Variants in PDE1C observed in about 807,000 individuals in gnomAD.
PDE1C encodes dual specificity calcium/calmodulin-dependent 3',5'-cyclic nucleotide phosphodiesterase 1C.
PDE1C carries 62 observed loss-of-function variants against 93.1 expected under a neutral mutation model. The ratio of observed to expected loss-of-function variants is 0.67; its 90% CI spans 0.54 to 0.82. The LOEUF (loss-of-function observed/expected upper bound fraction) is 0.82, where lower values mean the gene tolerates loss of function less well. Among genes scored for constraint, PDE1C ranks in the 40% least tolerant of loss-of-function variants. The pLI, the probability that PDE1C is intolerant of heterozygous loss-of-function variation, is 0.00. For missense variants in PDE1C, 742 were observed against 884.6 expected, an observed-to-expected ratio of 0.84 and a Z score of 2.04; for synonymous variants, 325 against 310.1, an observed-to-expected ratio of 1.05 and a Z score of -0.50.
chr7:32,149,348 TGAA>T (rs1413568823), intron 3 of PDE1C, among the ~76,000 whole-genome samples: 1 of 152,192 alleles, frequency 6.6e-6, no homozygotes, highest in African/African-American at 2.4e-5. Flanking sequence ...GAACAGTGTC[TGAA>T]GAAGGACAAC....
intron 2 of PDE1C, among the ~76,000 whole-genome samples, chr7:32,178,204 C>T (rs1052432402): frequency 2.6e-5 from 4 of 152,142 alleles, no homozygotes; most frequent in Admixed American, 6.5e-5. Flanking sequence ...AAAATACAGC[C>T]AGAATCTAAT....
chr7:31,907,957 G>GAA (rs201253353), intron 2 of PDE1C, among the ~76,000 whole-genome samples: 7 of 150,194 alleles, frequency 4.7e-5, no homozygotes, highest in Non-Finnish European at 8.9e-5. Context: ...AGAACAGAAT[G>GAA]AAAAAAAAGG....
chr7:32,205,194 T>A (rs761678171), intron 2 of PDE1C, among the ~76,000 whole-genome samples: 10 of 152,190 alleles, frequency 6.6e-5, no homozygotes, highest in Non-Finnish European at 1.3e-4. Flanking sequence ...CTGTCAGGGG[T>A]CTCCTGGACT....
At chr7:31,733,368 T>C in the PDE1C span, among the ~76,000 whole-genome samples, 3 of 152,302 alleles carry the variant, frequency 2.0e-5, no homozygotes, top group Non-Finnish European at 2.9e-5. Context: ...GGTGAGGTGG[T>C]GGTAATTGGG....
At chr7:31,798,760 A>G (rs1785621983) in intron 16 of PDE1C, among the ~76,000 whole-genome samples, 2 of 151,794 alleles carry the variant, frequency 1.3e-5, no homozygotes, top group African/African-American at 4.8e-5. Flanking sequence ...GAAGACAAGT[A>G]AGTGTGTTCA....
At chr7:32,403,790 T>C (rs551986809) in intron 1 of PDE1C, among the ~76,000 whole-genome samples, 1 of 152,354 alleles carries the variant, frequency 6.6e-6, no homozygotes, top group South Asian at 2.1e-4. Flanking sequence ...GATTCAGTGA[T>C]GCATGCAGTA....
chr7:31,628,257 A>G, the PDE1C span, among the ~76,000 whole-genome samples: 1 of 152,124 alleles, frequency 6.6e-6, no homozygotes, highest in African/African-American at 2.4e-5. Flanking sequence ...GATGGAACAC[A>G]AGAGAAAGCC....
At chr7:32,206,000 C>T (rs1424122317) in intron 2 of PDE1C, among the ~76,000 whole-genome samples, 1 of 152,138 alleles carries the variant, frequency 6.6e-6, no homozygotes, top group Non-Finnish European at 1.5e-5. Flanking sequence ...AGACCAAGAA[C>T]CCACCAGAAG....
intron 9 of PDE1C, among the ~76,000 whole-genome samples, chr7:31,847,328 A>T (rs374203687): frequency 2.0e-5 from 3 of 152,162 alleles, no homozygotes; most frequent in African/African-American, 7.2e-5. Flanking sequence ...CATATTCAAA[A>T]CACAGGTATG....
the PDE1C span, chr7:31,692,464 A>G: frequency 6.3e-5 from 101 of 1,611,618 alleles, no homozygotes; most frequent in Non-Finnish European, 8.5e-5. Flanking sequence ...GAGCAAATGC[A>G]GCCACTGGAA....
intron 2 of PDE1C, among the ~76,000 whole-genome samples, chr7:31,989,398 C>T (rs1455995261): frequency 6.6e-6 from 1 of 152,186 alleles, no homozygotes; most frequent in African/African-American, 2.4e-5. Context: ...TTTCCACCAT[C>T]AAACCCAGAA....
At chr7:32,393,238 T>C (rs1784784850) in intron 1 of PDE1C, among the ~76,000 whole-genome samples, 1 of 152,046 alleles carries the variant, frequency 6.6e-6, no homozygotes. Context: ...TTCAATGTTG[T>C]CATGGAATTT....
At chr7:31,710,462 T>C in the PDE1C span, among the ~76,000 whole-genome samples, 1 of 152,212 alleles carries the variant, frequency 6.6e-6, no homozygotes, top group African/African-American at 2.4e-5. Context: ...GAGGCTGGTG[T>C]GGAAGGATTG....
chr7:31,848,496 G>T (rs1470406886), intron 8 of PDE1C, among the ~76,000 whole-genome samples: 1 of 151,880 alleles, frequency 6.6e-6, no homozygotes, highest in Non-Finnish European at 1.5e-5. Flanking sequence ...TATTTTAGTT[G>T]TAATTTTCAG....
chr7:32,138,988 A>G (rs556430861), intron 3 of PDE1C, among the ~76,000 whole-genome samples: 1 of 152,286 alleles, frequency 6.6e-6, no homozygotes, highest in African/African-American at 2.4e-5. Flanking sequence ...TACCTAGTGT[A>G]ATGGAGGAAA....
At position 31,866,692 on chromosome 7, in the gene PDE1C, A is replaced by G. The variant is rs1289581317; in HGVS notation, c.610-1610T>C. 3.9e-5 allele frequency among the ~76,000 whole-genome samples: 6 copies of G among 152,312 alleles called. No individual in the cohort carries two copies. The East Asian group carries it at 1.2e-3, about 29-fold the overall frequency. ...TAATCACATTTCAAATAGATTATCC[A>G]ACACTAGAATTCAACAGAGAAGTAA... On this transcript the variant is annotated intron_variant, in intron 6 of 17. Transcript: ENST00000396191.
chr7:32,306,343 T>A (rs1385472445), intron 1 of PDE1C, among the ~76,000 whole-genome samples: 2 of 152,196 alleles, frequency 1.3e-5, no homozygotes, highest in African/African-American at 4.8e-5. Context: ...TCTCTGGAAA[T>A]GGTCCTCCCT....
At chr7:31,781,846 A>G (rs926285063) in intron 16 of PDE1C, among the ~76,000 whole-genome samples, 1 of 152,126 alleles carries the variant, frequency 6.6e-6, no homozygotes, top group Non-Finnish European at 1.5e-5. Flanking sequence ...TCTGTTCATC[A>G]CAAAGAAGAA....
chr7:31,833,361 G>C (rs1260487702), intron 11 of PDE1C, among the ~76,000 whole-genome samples: 1 of 152,308 alleles, frequency 6.6e-6, no homozygotes, highest in Admixed American at 6.5e-5. Context: ...TACTGGTAGA[G>C]TGTGGCTCTG....
Sources: allele counts gnomAD v4.1 joint callset (sites outside exome capture counted in the v4.1 genomes callset), GRCh38; gene constraint gnomAD v4.1.1; transcripts MANE v1.5; gene names NCBI Gene and HGNC (gene_info 2026-07-23, HGNC 2026-07-21).